Variants in DCLK1 observed in about 807,000 individuals in gnomAD.
DCLK1 encodes serine/threonine-protein kinase DCLK1.
Under a neutral mutation model 86.2 loss-of-function variants are expected in DCLK1, and 16 were observed. The ratio of observed to expected loss-of-function variants is 0.19; its 90% CI spans 0.13 to 0.28. DCLK1 has a LOEUF of 0.28. Among genes scored for constraint, DCLK1 ranks in the 10% least tolerant of loss-of-function variants. The pLI, the probability that DCLK1 is intolerant of heterozygous loss-of-function variation, is 1.00. For missense variants in DCLK1, 590 were observed against 940.2 expected (o/e 0.63, Z 4.87); for synonymous variants, 369 against 370.5 (o/e 1.00, Z 0.05).
At chr13:35,790,702 A>T (rs1173368847) in intron 16 of DCLK1, among the ~76,000 whole-genome samples, 1 of 152,136 alleles carries the variant, frequency 6.6e-6, no homozygotes, top group African/African-American at 2.4e-5. Context: ...CAAATTAATC[A>T]TTATATTAAA....
intron 4 of DCLK1, among the ~76,000 whole-genome samples, chr13:35,906,425 GC>G (rs1874695671): frequency 6.6e-6 from 1 of 151,910 alleles, no homozygotes; most frequent in African/African-American, 2.4e-5. Context: ...AATTTAAAGA[GC>G]TATGAGATTT....
chr13:35,791,824 G>C (rs571375670), intron 16 of DCLK1, among the ~76,000 whole-genome samples: 2 of 152,296 alleles, frequency 1.3e-5, no homozygotes, highest in African/African-American at 4.8e-5. Flanking sequence ...CTTAGCAGGA[G>C]AAAAACAGTC....
In DCLK1 at chr13:36,126,145, T is replaced by C. The variant is rs772682026; in HGVS notation, c.-8A>G. 1.3e-6 allele frequency: 2 copies of C among 1,575,620 alleles called. No individual in the cohort carries two copies. Among genetic ancestry groups the C allele is most frequent in the African/African-American group, 1.4e-5 (1 of 74,034 alleles). ...GTCTCTGCCGAAGGACATGATGGAC[T>C]TCAAGTAGGACCTACGAGCCCCAGA... is the stretch of plus-strand genomic sequence containing the variant. On this transcript the variant is annotated 5_prime_UTR_variant, in exon 2 of 17. Transcript: ENST00000360631.
At chr13:35,847,466 A>G (rs1033832357) in intron 6 of DCLK1, 1 of 985,222 alleles carries the variant, frequency 1.0e-6, no homozygotes, top group South Asian at 4.7e-5. Context: ...GCAAATTTAC[A>G]TAAACACCCA....
chr13:35,810,229 G>A (rs530138029), intron 12 of DCLK1, among the ~76,000 whole-genome samples: 2 of 152,282 alleles, frequency 1.3e-5, no homozygotes, highest in Admixed American at 6.5e-5. Flanking sequence ...TCAAACCATC[G>A]ACTGGAAGAG....
chr13:35,938,975 C>G (rs927477519), intron 4 of DCLK1, among the ~76,000 whole-genome samples: 2 of 152,106 alleles, frequency 1.3e-5, no homozygotes, highest in African/African-American at 2.4e-5. Context: ...CTATTTGTAG[C>G]GAAGGAACTA....
At chr13:35,945,163 G>C (rs1161790063) in intron 4 of DCLK1, among the ~76,000 whole-genome samples, 1 of 152,190 alleles carries the variant, frequency 6.6e-6, no homozygotes, top group Admixed American at 6.5e-5. Context: ...GCCTCCCAAA[G>C]TCCTGGGTTT....
chr13:36,064,442 C>T (rs769652535), intron 3 of DCLK1, among the ~76,000 whole-genome samples: 1 of 152,072 alleles, frequency 6.6e-6, no homozygotes, highest in Non-Finnish European at 1.5e-5. Context: ...TGGCGGATCA[C>T]GAGGTCAGGA....
intron 4 of DCLK1, among the ~76,000 whole-genome samples, chr13:35,929,130 CATGTTAA>C (rs1290406528): frequency 6.6e-6 from 1 of 152,100 alleles, no homozygotes; most frequent in Non-Finnish European, 1.5e-5. Flanking sequence ...GGGGTTTCAC[CATGTTAA>C]CCAGGATGGT....
chr13:36,000,763 C>A (rs190721743), intron 3 of DCLK1, among the ~76,000 whole-genome samples: 1 of 152,146 alleles, frequency 6.6e-6, no homozygotes, highest in Non-Finnish European at 1.5e-5. Flanking sequence ...TGAATATGTT[C>A]CAATGTATAA....
intron 16 of DCLK1, among the ~76,000 whole-genome samples, chr13:35,792,318 C>G (rs1367635845): frequency 2.0e-5 from 3 of 152,108 alleles, no homozygotes; most frequent in Non-Finnish European, 4.4e-5. Context: ...TACTCAGTAA[C>G]CCAGATCTGG....
intron 4 of DCLK1, among the ~76,000 whole-genome samples, chr13:35,934,250 A>C (rs1178210220): frequency 6.6e-6 from 1 of 152,166 alleles, no homozygotes. Flanking sequence ...AAACTGTTCC[A>C]ACCTCTGCCT....
chr13:35,896,049 A>G (rs1024581983), intron 4 of DCLK1, among the ~76,000 whole-genome samples: 1 of 152,104 alleles, frequency 6.6e-6, no homozygotes, highest in Non-Finnish European at 1.5e-5. Context: ...TTTTGACATC[A>G]TTATTCAGGA....
rs1013459067 is a variant in DCLK1 at position 35,867,893 on chromosome 13, A to G, written c.940+3331T>C. ...AAAGAGAGAGGGAGAGAGAGAGAGA[A>G]AGAGAGAAAGAAAGAAAAAGAAAGA... On this transcript the variant is annotated intron_variant, in intron 5 of 16. Transcript: ENST00000360631. Among the ~76,000 whole-genome samples the G allele has an allele frequency of 1.4e-4, 18 of 130,430 alleles. 1 individual carries two copies. Among genetic ancestry groups the G allele is most frequent in the South Asian group, 2.6e-4 (1 of 3,910 alleles). 85.6% of individuals were successfully genotyped at this position (130,430 alleles called of 152,430 possible).
rs1462419787 is a variant in DCLK1 at position 35,772,828 on chromosome 13, T to C, written c.*1707A>G. ...AAATCCATATTAATGTAGACCATAG[T>C]TTCAGGGTTGAAGAGTAAAAATGCA... On this transcript the variant is annotated 3_prime_UTR_variant, in exon 17 of 17. Transcript: ENST00000360631. 1 of 152,162 alleles carries C rather than the reference T, an allele frequency of 6.6e-6. No individual in the cohort carries two copies. Among genetic ancestry groups the C allele is most frequent in the Non-Finnish European group, 1.5e-5 (1 of 68,036 alleles). 9.4% of individuals were successfully genotyped at this position (152,162 alleles called of 1,614,324 possible).
intron 5 of DCLK1, 137 bp from the exon 6 acceptor site, chr13:35,854,730 T>C: frequency 5.1e-6 from 3 of 583,962 alleles, no homozygotes; most frequent in East Asian, 6.9e-5. Flanking sequence ...ATATGTACAC[T>C]GAGGAACAGC....
chr13:35,967,160 C>T (rs1462505214), intron 3 of DCLK1, among the ~76,000 whole-genome samples: 12 of 151,838 alleles, frequency 7.9e-5, no homozygotes, highest in South Asian at 6.2e-4. Context: ...GCCGCCACCC[C>T]GACTGGGAGG....
chr13:36,045,743 A>G (rs1467910394), intron 3 of DCLK1, among the ~76,000 whole-genome samples: 1 of 151,874 alleles, frequency 6.6e-6, no homozygotes, highest in African/African-American at 2.4e-5. Flanking sequence ...TCCCAGCTAC[A>G]TTAGGATGCT....
chr13:36,045,439 G>A (rs1336161101), intron 3 of DCLK1, among the ~76,000 whole-genome samples: 1 of 143,724 alleles, frequency 7.0e-6, no homozygotes, highest in African/African-American at 2.6e-5. Flanking sequence ...ATGTATAAAT[G>A]TTTTAGAAGA....
Sources: gnomAD v4.1 joint callset for allele counts (sites outside exome capture counted in the v4.1 genomes callset) on GRCh38, gnomAD v4.1.1 for gene constraint, MANE v1.5 for transcripts, NCBI Gene and HGNC (gene_info 2026-07-23, HGNC 2026-07-21) for gene names.